NUF2: variants seen among roughly 807,000 people sequenced by gnomAD.
The protein encoded by NUF2 is kinetochore protein Nuf2.
In NUF2, 34 loss-of-function variants were observed where a neutral mutation model predicts 61.8. That is an observed-to-expected ratio of 0.55 (90% confidence interval 0.42 to 0.73). The LOEUF (loss-of-function observed/expected upper bound fraction) is 0.73, where lower values mean the gene tolerates loss of function less well. Ranked by LOEUF, NUF2 falls within the 30% of genes least tolerant of loss-of-function variation. NUF2 has a pLI of 0.00. For synonymous variants in NUF2, 172 were observed against 181.6 expected, an observed-to-expected ratio of 0.95 and a Z score of 0.42; for missense variants, 445 against 539.1, an observed-to-expected ratio of 0.83 and a Z score of 1.73.
At chr1:163,341,646 G>A (rs1446258868) in intron 9 of NUF2, among the ~76,000 whole-genome samples, 1 of 151,756 alleles carries the variant, frequency 6.6e-6, no homozygotes, top group Non-Finnish European at 1.5e-5. Flanking sequence ...TATTTTTTGA[G>A]ATGGAGTCTC....
At chr1:163,336,675 T>C in intron 5 of NUF2, 76 bp from the exon 6 acceptor site, 1 of 868,338 alleles carries the variant, frequency 1.2e-6, no homozygotes, top group Non-Finnish European at 1.9e-6. Context: ...GAATATATAG[T>C]GGAAGAGGAT....
rs146902927 is a variant in NUF2 at position 163,353,619 on chromosome 1, C to G, written c.1261-1716C>G. ...TGACTTTAAAAATATTTAACTTCAA[C>G]GAGGCCATCACAGTAAAACTTATTA... On this transcript the variant is annotated intron_variant, in intron 13 of 13. Transcript: ENST00000271452. Among the ~76,000 whole-genome samples the G allele has an allele frequency of 6.2e-3, 939 of 152,212 alleles. 16 individuals carry two copies. Among genetic ancestry groups the G allele is most frequent in the African/African-American group, 0.021 (876 of 41,526 alleles).
In NUF2 at chr1:163,336,826, A is replaced by G; in HGVS notation, c.413A>G (p.Tyr138Cys). ...IHFREACRET[Y>C]MEFLWQYKSS... The stretch of plus-strand genomic sequence containing the variant: ...TTCAGAGAAGCATGCCGTGAAACGT[A>G]TATGGAATTTCTTTGGCAATATGTA... The change falls in exon 6 of 14, where the codon TAT (tyrosine) becomes TGT (cysteine). Residue 138 changes from tyrosine to cysteine, a missense_variant. Transcript: ENST00000271452. The G allele has an allele frequency of 1.2e-6, 2 of 1,611,138 alleles. No homozygotes were observed. The highest frequency in any genetic ancestry group is 8.5e-7 in the Non-Finnish European group (1 of 1,177,562).
intron 11 of NUF2, among the ~76,000 whole-genome samples, chr1:163,347,286 C>T (rs1446179388): frequency 6.6e-6 from 1 of 152,214 alleles, no homozygotes; most frequent in Non-Finnish European, 1.5e-5. Flanking sequence ...ACTAACATTA[C>T]ATTTGATAAA....
Position 163,347,893 on chromosome 1 carries a change from A to G in NUF2, c.1079A>G (p.Asn360Ser), listed in dbSNP as rs933653468. 6.2e-7 allele frequency: 1 copy of G among 1,607,062 alleles called. No homozygotes were observed. The highest frequency in any genetic ancestry group is 8.5e-7 in the Non-Finnish European group (1 of 1,177,898). The stretch of plus-strand genomic sequence containing the variant: ...CTTGCCACAGCACAATTCAAAATAA[A>G]TAAGAAGCATGAAGATGTTAAGCAA... ...EKLATAQFKI[N>S]KKHEDVKQYK... The change falls in exon 12 of 14, where the codon AAT (asparagine) becomes AGT (serine). Residue 360 changes from asparagine to serine, a missense_variant. Asn to Ser is a conservative substitution (Grantham distance 46). Coordinates refer to ENST00000271452, the MANE Select transcript of NUF2 (RefSeq NM_145697.3).
chr1:163,351,881 G>C (rs1210088571), intron 13 of NUF2, among the ~76,000 whole-genome samples: 5 of 151,982 alleles, frequency 3.3e-5, no homozygotes, highest in Non-Finnish European at 7.4e-5. Context: ...TTCATTAAAT[G>C]TTCTTTCCCA....
chr1:163,349,101 A>C (rs1651228720), intron 13 of NUF2, 21 bp downstream of exon 13: 1 of 1,579,848 alleles, frequency 6.3e-7, no homozygotes, highest in South Asian at 1.2e-5. Context: ...GTTCATAAGA[A>C]GTTAATTTCA....
At chr1:163,332,909 T>A (rs1282073066) in intron 5 of NUF2, among the ~76,000 whole-genome samples, 1 of 152,200 alleles carries the variant, frequency 6.6e-6, no homozygotes, top group African/African-American at 2.4e-5. Context: ...GCCCACCACA[T>A]GGTCTACCCT....
Position 163,347,956 on chromosome 1 carries a change from AT to A in NUF2, c.1124+22del. ...GTAATTGAGTATGGAGTTGTTTTCAATTTTAGTGTATTAGAAAGCAATTATG... is the reference window on the plus strand; with the variant it reads ...GTAATTGAGTATGGAGTTGTTTTCAATTTAGTGTATTAGAAAGCAATTATG... On this transcript the variant is annotated intron_variant, in intron 12 of 13. Coordinates refer to ENST00000271452, the MANE Select transcript of NUF2 (RefSeq NM_145697.3). The A allele has an allele frequency of 1.4e-6, 2 of 1,445,020 alleles. No individual in the cohort carries two copies. Among genetic ancestry groups the A allele is most frequent in the South Asian group, 1.5e-5 (1 of 65,176 alleles). The allele number at this position is 1,445,020 out of a possible 1,614,324, so 89.5% of individuals were successfully genotyped here.
chr1:163,350,443 C>G (rs1405268079), intron 13 of NUF2, among the ~76,000 whole-genome samples: 1 of 152,020 alleles, frequency 6.6e-6, no homozygotes, highest in East Asian at 1.9e-4. Flanking sequence ...GTTACTAACT[C>G]AAATTCGAGG....
At chr1:163,351,067 A>T (rs74120434) in intron 13 of NUF2, among the ~76,000 whole-genome samples, 2 of 151,990 alleles carry the variant, frequency 1.3e-5, no homozygotes, top group South Asian at 2.1e-4. Context: ...CAGGATAATT[A>T]GTCCTAGTTT....
intron 1 of NUF2, among the ~76,000 whole-genome samples, chr1:163,322,553 A>C (rs1213577621): frequency 6.6e-6 from 1 of 152,250 alleles, no homozygotes; most frequent in Non-Finnish European, 1.5e-5. Flanking sequence ...CTACGCATGC[A>C]TAACGCCATC....
intron 9 of NUF2, among the ~76,000 whole-genome samples, 200 bp from the exon 10 acceptor site, chr1:163,343,533 G>C (rs1651016864): frequency 1.3e-5 from 2 of 152,158 alleles, no homozygotes; most frequent in African/African-American, 4.8e-5. Flanking sequence ...GTAATGAAAG[G>C]CTTTGAATGT....
intron 5 of NUF2, among the ~76,000 whole-genome samples, chr1:163,335,628 G>T (rs1179463872): frequency 6.6e-6 from 1 of 151,510 alleles, no homozygotes; most frequent in Non-Finnish European, 1.5e-5. Flanking sequence ...CGCCATTTAC[G>T]TTTGTTCACT....
At chr1:163,336,718 G>T in intron 5 of NUF2, 33 bp from the exon 6 acceptor site, 1 of 1,316,628 alleles carries the variant, frequency 7.6e-7, no homozygotes, top group South Asian at 1.2e-5. Flanking sequence ...TTAGTTCAAA[G>T]GTTTATTTAA....
intron 13 of NUF2, among the ~76,000 whole-genome samples, chr1:163,354,736 G>A (rs573409101): frequency 1.3e-5 from 2 of 152,166 alleles, no homozygotes; most frequent in East Asian, 3.9e-4. Context: ...ATAATGGAAG[G>A]AGGATCAATA....
intron 1 of NUF2, among the ~76,000 whole-genome samples, chr1:163,323,983 C>T (rs1650328981): frequency 3.6e-5 from 1 of 27,764 alleles, no homozygotes; most frequent in Non-Finnish European, 1.9e-4. Flanking sequence ...ACAGCAGAGG[C>T]CATTATACTG....
At chr1:163,335,803 T>C (rs997183167) in intron 5 of NUF2, among the ~76,000 whole-genome samples, 4 of 152,212 alleles carry the variant, frequency 2.6e-5, no homozygotes, top group African/African-American at 9.6e-5. Context: ...CTCTGGACTT[T>C]ATTTTAGATA....
intron 9 of NUF2, among the ~76,000 whole-genome samples, chr1:163,340,881 C>A (rs1187632533): frequency 6.6e-6 from 1 of 152,072 alleles, no homozygotes; most frequent in Non-Finnish European, 1.5e-5. Flanking sequence ...TAGACTTTTA[C>A]ATAGATTCTA....
Sources: gnomAD v4.1 joint callset for allele counts (sites outside exome capture counted in the v4.1 genomes callset) on GRCh38, gnomAD v4.1.1 for gene constraint, MANE v1.5 for transcripts, NCBI Gene and HGNC (gene_info 2026-07-23, HGNC 2026-07-21) for gene names.